Variants in ERMP1 observed in about 807,000 individuals in gnomAD.
ERMP1 encodes endoplasmic reticulum metallopeptidase 1, also known as Felix-ina.
Under a neutral mutation model 92.0 loss-of-function variants are expected in ERMP1, and 86 were observed. The observed-to-expected ratio is 0.93, with a 90% CI of 0.79 to 1.12. The LOEUF (loss-of-function observed/expected upper bound fraction) is 1.12, where lower values mean the gene tolerates loss of function less well. Among genes scored for constraint, ERMP1 ranks in the 50% most tolerant of loss-of-function variants. The probability of loss-of-function intolerance (pLI) is 0.00; values close to 1 mark genes in which losing one functional copy is unlikely to be tolerated. For synonymous variants in ERMP1, 530 were observed against 412.8 expected (o/e 1.28, Z -3.44); for missense variants, 1,342 against 1,116.3 (o/e 1.20, Z -2.88).
At chr9:5,794,151 CA>C (rs1409821536) in intron 13 of ERMP1, among the ~76,000 whole-genome samples, 1 of 151,930 alleles carries the variant, frequency 6.6e-6, no homozygotes, top group Non-Finnish European at 1.5e-5. Flanking sequence ...GCTGAAAAAT[CA>C]AATCATTTGG....
Position 5,805,129 on chromosome 9 carries a change from C to G in ERMP1, c.1812G>C (p.Glu604Asp). ...TTCTCCCGAGGATAGGGGTAAACAT[C>G]TCAAATACTGCCCAGATGAGGTACA... ...YALYLIWAVFEMFTPILGRSG... is the reference protein window; with the variant it reads ...YALYLIWAVFDMFTPILGRSG... Residue 604 changes from glutamate to aspartate, a missense_variant, in exon 10 of 15, where the codon GAG becomes GAC. By Grantham distance (45) the Glu-to-Asp change is conservative. Coordinates refer to ENST00000339450, the MANE Select transcript of ERMP1 (RefSeq NM_024896.3). 5.0e-6 allele frequency: 8 copies of G among 1,613,488 alleles called. No homozygotes were observed. The highest frequency in any genetic ancestry group is 6.8e-6 in the Non-Finnish European group (8 of 1,179,726).
At chr9:5,840,277 AAGGAAGGG>A (rs1349501342) in intron 6 of ERMP1, among the ~76,000 whole-genome samples, 6 of 152,208 alleles carry the variant, frequency 3.9e-5, no homozygotes, top group Admixed American at 1.3e-4. Flanking sequence ...GAGAGAACGG[AAGGAAGGG>A]AGGAAGGGAG....
intron 13 of ERMP1, among the ~76,000 whole-genome samples, chr9:5,789,839 A>G (rs138033171): frequency 7.1e-6 from 1 of 140,150 alleles, no homozygotes; most frequent in Non-Finnish European, 1.5e-5. Context: ...GCATGCTACA[A>G]ACCTGGCCTT....
intron 3 of ERMP1, among the ~76,000 whole-genome samples, chr9:5,824,740 G>A (rs963333029): frequency 1.3e-5 from 2 of 152,152 alleles, no homozygotes; most frequent in African/African-American, 4.8e-5. Context: ...AAGAGAACAG[G>A]AGAAGAGACG....
upstream of ERMP1, among the ~76,000 whole-genome samples, chr9:5,835,122 CATG>C (rs976806426): frequency 2.0e-5 from 3 of 151,954 alleles, no homozygotes; most frequent in Non-Finnish European, 4.4e-5. Context: ...ACTTTCCTAT[CATG>C]ATAATCATAG....
At chr9:5,818,541 C>A (rs1829408072) in intron 4 of ERMP1, among the ~76,000 whole-genome samples, 1 of 152,064 alleles carries the variant, frequency 6.6e-6, no homozygotes, top group African/African-American at 2.4e-5. Flanking sequence ...CACAGTGAGA[C>A]CCTGTCTCTA....
At chr9:5,837,591 AG>A (rs1830109109), upstream of ERMP1, among the ~76,000 whole-genome samples, 2 of 152,224 alleles carry the variant, frequency 1.3e-5, no homozygotes. Context: ...TGACAAATGG[AG>A]GACATGATTT....
intron 4 of ERMP1, among the ~76,000 whole-genome samples, chr9:5,818,696 A>C (rs1829413775): frequency 6.6e-6 from 1 of 152,060 alleles, no homozygotes; most frequent in South Asian, 2.1e-4. Context: ...CTGGGCAACA[A>C]AGCAAGATCC....
intron 6 of ERMP1, among the ~76,000 whole-genome samples, chr9:5,842,870 G>T (rs976573113): frequency 1.3e-5 from 2 of 152,184 alleles, no homozygotes; most frequent in East Asian, 3.8e-4. Flanking sequence ...TTTAGAAAAG[G>T]CTAAGGAAAT....
chr9:5,813,918 T>C (rs951533272), intron 4 of ERMP1, among the ~76,000 whole-genome samples: 19 of 149,786 alleles, frequency 1.3e-4, no homozygotes, highest in African/African-American at 2.4e-4. Context: ...ATATGTATAA[T>C]TGTATAATTA....
At chr9:5,825,067 G>A in intron 3 of ERMP1, 25 bp downstream of exon 3, 1 of 1,609,304 alleles carries the variant, frequency 6.2e-7, no homozygotes, top group Non-Finnish European at 8.5e-7. Context: ...ATTCAAGCCT[G>A]ATATTTAAAA....
At chr9:5,825,793 A>G (rs1829709318) in intron 2 of ERMP1, among the ~76,000 whole-genome samples, 1 of 152,224 alleles carries the variant, frequency 6.6e-6, no homozygotes, top group East Asian at 1.9e-4. Flanking sequence ...AGGAAAGGAG[A>G]CTAATGACCT....
intron 4 of ERMP1, among the ~76,000 whole-genome samples, chr9:5,821,677 G>A (rs1829541524): frequency 6.6e-6 from 1 of 152,174 alleles, no homozygotes. Flanking sequence ...AATCTAGAAA[G>A]GGTGCAGATT....
Position 5,785,771 on chromosome 9 carries a change from G to A in ERMP1, c.*1373C>T, listed in dbSNP as rs1294546180. Reference sequence around the variant, plus strand: ...TCCTCCATCACCCAAGATAAATCTAGCCACCCTTTTTTGTTAACTGTGCCT... The same window carrying A: ...TCCTCCATCACCCAAGATAAATCTAACCACCCTTTTTTGTTAACTGTGCCT... On this transcript the variant is annotated 3_prime_UTR_variant, in exon 15 of 15. Coordinates refer to ENST00000339450, the MANE Select transcript of ERMP1 (RefSeq NM_024896.3). 1.3e-5 allele frequency: 2 copies of A among 152,274 alleles called. No individual in the cohort carries two copies. Among genetic ancestry groups the A allele is most frequent in the African/African-American group, 4.8e-5 (2 of 41,380 alleles). The allele number at this position is 152,274 out of a possible 1,614,324, so 9.4% of individuals were successfully genotyped here.
At chr9:5,824,337 G>A (rs1168193372) in intron 3 of ERMP1, among the ~76,000 whole-genome samples, 1 of 152,174 alleles carries the variant, frequency 6.6e-6, no homozygotes, top group African/African-American at 2.4e-5. Context: ...ACTTTGGGAG[G>A]CCATGGTGGG....
intron 8 of ERMP1, among the ~76,000 whole-genome samples, chr9:5,809,465 A>G (rs1051407310): frequency 3.9e-5 from 6 of 152,220 alleles, no homozygotes; most frequent in African/African-American, 1.4e-4. Context: ...AACTCCAATG[A>G]CATACATGCA....
intron 4 of ERMP1, among the ~76,000 whole-genome samples, chr9:5,813,628 G>A (rs1372184762): frequency 6.6e-6 from 1 of 151,964 alleles, no homozygotes; most frequent in Non-Finnish European, 1.5e-5. Context: ...AAAAAGTTGT[G>A]AATTGTGGAG....
chr9:5,810,275 A>C, intron 7 of ERMP1, 44 bp from the exon 8 acceptor site: 1 of 1,425,396 alleles, frequency 7.0e-7, no homozygotes. Context: ...ATCTTCATCA[A>C]ATCAGTTATA....
chr9:5,846,796 G>C (rs563417772), intron 6 of ERMP1, among the ~76,000 whole-genome samples: 106 of 152,278 alleles, frequency 7.0e-4, no homozygotes, highest in Non-Finnish European at 1.1e-3. Flanking sequence ...TGGAGGACTT[G>C]TTTGTGTTTA....
Sources: allele counts gnomAD v4.1 joint callset (sites outside exome capture counted in the v4.1 genomes callset), GRCh38; gene constraint gnomAD v4.1.1; transcripts MANE v1.5; gene names NCBI Gene and HGNC (gene_info 2026-07-23, HGNC 2026-07-21).